NGLY1: variants seen among roughly 807,000 people sequenced by gnomAD.
NGLY1 encodes peptide-N(4)-(N-acetyl-beta-glucosaminyl)asparagine amidase.
Under a neutral mutation model 84.6 loss-of-function variants are expected in NGLY1, and 68 were observed. That is an observed-to-expected ratio of 0.80 (90% confidence interval 0.66 to 0.98). The LOEUF is 0.98. Among genes scored for constraint, NGLY1 ranks in the 50% least tolerant of loss-of-function variants. NGLY1 has a pLI of 0.00. For missense variants in NGLY1, 779 were observed against 770.2 expected (o/e 1.01, Z -0.14); for synonymous variants, 280 against 275.2 (o/e 1.02, Z -0.17).
At chr3:25,721,687 T>A (rs539307507) in intron 10 of NGLY1, among the ~76,000 whole-genome samples, 1 of 132,050 alleles carries the variant, frequency 7.6e-6, no homozygotes, top group Admixed American at 9.5e-5. Flanking sequence ...GGGCGGAGCT[T>A]GCAGTGAGCC....
In NGLY1 at chr3:25,774,119, C is replaced by T. The variant is rs555302814; in HGVS notation, c.246+4455G>A. Among the ~76,000 whole-genome samples, 4 of 152,256 alleles carry T rather than the reference C, an allele frequency of 2.6e-5. No homozygotes were observed. In the South Asian group the frequency reaches 6.2e-4, roughly 24 times the overall value. On this transcript the variant is annotated intron_variant, in intron 2 of 11. Coordinates refer to ENST00000280700, the MANE Select transcript of NGLY1 (RefSeq NM_018297.4). ...GTGTGCTGGTAGTAAAGCTGTCATGCGATTGGACTCAAGACCTCTGGTTAG... is the reference window on the plus strand; with the variant it reads ...GTGTGCTGGTAGTAAAGCTGTCATGTGATTGGACTCAAGACCTCTGGTTAG...
In NGLY1 at chr3:25,767,032, G is replaced by A. The variant is rs1168175952; in HGVS notation, c.247-2721C>T. 3.9e-5 allele frequency among the ~76,000 whole-genome samples: 6 copies of A among 152,138 alleles called. No homozygotes were observed. The East Asian group carries it at 1.2e-3, about 29-fold the overall frequency. On this transcript the variant is annotated intron_variant, in intron 2 of 11. Coordinates refer to ENST00000280700, the MANE Select transcript of NGLY1 (RefSeq NM_018297.4). ...AAAGAGGCCAGGCGCAGTGGCTCACGCCTGTAATCCCAGCACTTTGGGAGA... is the reference window on the plus strand; with the variant it reads ...AAAGAGGCCAGGCGCAGTGGCTCACACCTGTAATCCCAGCACTTTGGGAGA...
At chr3:25,749,871 G>T in intron 4 of NGLY1, 1 of 898,446 alleles carries the variant, frequency 1.1e-6, no homozygotes, top group East Asian at 2.4e-5. Context: ...CCCAATGCCA[G>T]GCTGCACAGC....
At chr3:25,736,433 A>G in intron 6 of NGLY1, 1 of 1,486,076 alleles carries the variant, frequency 6.7e-7, no homozygotes, top group Non-Finnish European at 9.2e-7. Context: ...AGAGCAGCAT[A>G]AAAAATATCA....
intron 2 of NGLY1, among the ~76,000 whole-genome samples, chr3:25,764,999 C>A (rs6807999): frequency 1.3e-4 from 20 of 152,062 alleles, no homozygotes; most frequent in African/African-American, 4.3e-4. Context: ...TATAAATATG[C>A]TAAGAATGCT....
chr3:25,732,146 G>A (rs886168766), intron 9 of NGLY1, among the ~76,000 whole-genome samples, 173 bp downstream of exon 9: 1 of 152,084 alleles, frequency 6.6e-6, no homozygotes, highest in Admixed American at 6.6e-5. Flanking sequence ...ACTCTTACAC[G>A]ATAATGCTAT....
At chr3:25,759,596 A>T (rs932570543) in intron 3 of NGLY1, among the ~76,000 whole-genome samples, 15 of 152,168 alleles carry the variant, frequency 9.9e-5, no homozygotes, top group African/African-American at 3.1e-4. Flanking sequence ...CTCTGAAAAA[A>T]CTAAGTCATA....
intron 2 of NGLY1, among the ~76,000 whole-genome samples, chr3:25,776,622 G>A (rs1053097099): frequency 4.6e-5 from 7 of 152,094 alleles, no homozygotes; most frequent in African/African-American, 1.7e-4. Context: ...TCCAAAGACA[G>A]GTGTTAGTTT....
In NGLY1 at chr3:25,729,285, C is replaced by A; in HGVS notation, c.1459G>T (p.Glu487Ter). The A allele has an allele frequency of 6.8e-7, 1 of 1,468,960 alleles. No homozygotes were observed. Among genetic ancestry groups the A allele is most frequent in the Non-Finnish European group, 9.1e-7 (1 of 1,098,618 alleles). The allele number at this position is 1,468,960 out of a possible 1,614,324, so 91.0% of individuals were successfully genotyped here. The change falls in exon 10 of 12, where the codon GAG becomes TAG. Residue 487 changes from glutamate to a stop codon, truncating the protein, a stop_gained. Coordinates refer to ENST00000280700, the MANE Select transcript of NGLY1 (RefSeq NM_018297.4). LOFTEE classifies it high-confidence loss of function. ...AGGTGGAGCTGTTTAGAAATCTTCT[C>A]ATTTTCACAGGGAATAAACAAGGTT... ...KETLFIPCEN[E>*]KISKQLHLCY...
rs753800017 is a variant in NGLY1, at chr3:25,733,888, T to A, written c.1244A>T (p.Asn415Ile). The stretch of plus-strand genomic sequence containing the variant: ...ACACCATACCTGCTTATTAAGCCCA[T>A]TAATAGTGTCTCGAAGTAATGCTTC... The part of the protein sequence containing the change: ...VKEALLRDTI[N>I]GLNKQRQLFL... The change falls in exon 8 of 12, where the codon AAT becomes ATT. Residue 415 changes from asparagine (N) to isoleucine (I), a missense_variant. Transcript: ENST00000280700. 1.2e-6 allele frequency: 2 copies of A among 1,613,240 alleles called. No individual in the cohort carries two copies. The highest frequency in any genetic ancestry group is 3.3e-5 in the Admixed American group (2 of 59,958).
chr3:25,729,152 A>T lies in NGLY1; in HGVS notation c.1592T>A (p.Val531Asp). The T allele has an allele frequency of 6.6e-7, 1 of 1,514,150 alleles. No individual in the cohort carries two copies. 93.8% of individuals were successfully genotyped at this position (1,514,150 alleles called of 1,614,324 possible). ...VWKMESIFRK[V>D]ETDWHMVYLA... ...AGTTACCATGTGCCAGTCTGTTTCA[A>T]CTTTTCTGAATATAGATTCCATTTT... Residue 531 changes from valine (V) to aspartate (D), a missense_variant, in exon 10 of 12, where the codon GTT (valine) becomes GAT (aspartate). Physicochemically the swap from Val to Asp is radical, Grantham distance 152. Transcript: ENST00000280700.
At chr3:25,776,668 A>C (rs960947226) in intron 2 of NGLY1, among the ~76,000 whole-genome samples, 1 of 152,092 alleles carries the variant, frequency 6.6e-6, no homozygotes, top group Non-Finnish European at 1.5e-5. Flanking sequence ...AGGCTTCTCT[A>C]TCTCAATTAA....
chr3:25,737,141 A>C (rs1323175132), intron 6 of NGLY1, 193 bp downstream of exon 6: 4 of 509,888 alleles, frequency 7.8e-6, no homozygotes, highest in Non-Finnish European at 6.9e-6. Context: ...GCACAGTGCT[A>C]GGTGTTTTAC....
At chr3:25,758,749 G>C (rs948849445) in intron 3 of NGLY1, among the ~76,000 whole-genome samples, 1 of 151,914 alleles carries the variant, frequency 6.6e-6, no homozygotes, top group African/African-American at 2.4e-5. Context: ...TTTACTGATA[G>C]GGCATATAAT....
intron 5 of NGLY1, among the ~76,000 whole-genome samples, chr3:25,738,277 C>G (rs1399237036): frequency 6.6e-6 from 1 of 152,106 alleles, no homozygotes; most frequent in Non-Finnish European, 1.5e-5. Flanking sequence ...TTCTAATAAT[C>G]ATTTTGATTA....
chr3:25,778,765 C>T (rs1290691496), intron 1 of NGLY1, 77 bp from the exon 2 acceptor site: 4 of 796,684 alleles, frequency 5.0e-6, no homozygotes, highest in African/African-American at 3.5e-5. Flanking sequence ...TTTCAACAAA[C>T]ATGACCTAGG....
At position 25,783,350 on chromosome 3, in the gene NGLY1, G is replaced by A. The variant is rs767547861; in HGVS notation, c.41C>T (p.Ser14Phe). The A allele has an allele frequency of 2.2e-5, 35 of 1,573,156 alleles. No individual in the cohort carries two copies. The highest frequency in any genetic ancestry group is 2.6e-5 in the Non-Finnish European group (30 of 1,161,328). Residue 14 changes from serine to phenylalanine, a missense_variant, in exon 1 of 12, where the codon TCC (serine) becomes TTC (phenylalanine). Coordinates refer to ENST00000280700, the MANE Select transcript of NGLY1 (RefSeq NM_018297.4). The surrounding 1 kb of genome is among the most constrained non-coding windows in gnomAD (Gnocchi z 4.5). ...AALGSSSGSASPAVAELCQNT... is the reference protein window; with the variant it reads ...AALGSSSGSAFPAVAELCQNT... ...CTGGCAGAGCTCAGCCACGGCCGGGGACGCCGAGCCTGAGGAGCTGCCCAA... is the reference window on the plus strand; with the variant it reads ...CTGGCAGAGCTCAGCCACGGCCGGGAACGCCGAGCCTGAGGAGCTGCCCAA...
At chr3:25,749,203 A>C (rs1706597164) in intron 4 of NGLY1, among the ~76,000 whole-genome samples, 2 of 152,348 alleles carry the variant, frequency 1.3e-5, no homozygotes, top group South Asian at 4.1e-4. Context: ...CAAAAAATTA[A>C]AAATAGAATT....
chr3:25,768,495 T>C (rs558055394), intron 2 of NGLY1, among the ~76,000 whole-genome samples: 7 of 150,036 alleles, frequency 4.7e-5, no homozygotes, highest in Admixed American at 2.7e-4. Flanking sequence ...ACTGTAAGAC[T>C]ACTAGAAGAA....
Sources: allele counts gnomAD v4.1 joint callset (sites outside exome capture counted in the v4.1 genomes callset), GRCh38; gene constraint gnomAD v4.1.1; non-coding constraint Gnocchi (gnomAD v3.1); transcripts MANE v1.5; gene names NCBI Gene and HGNC (gene_info 2026-07-23, HGNC 2026-07-21).